The following TAB1 variants were observed in gnomAD, a reference collection of about 807,000 sequenced individuals.
TAB1 encodes TGF-beta-activated kinase 1 and MAP3K7-binding protein 1.
In TAB1, 30 loss-of-function variants were observed where a neutral mutation model predicts 54.5. That is an observed-to-expected ratio of 0.55 (90% CI 0.41 to 0.75). The LOEUF is 0.75. Ranked by LOEUF, TAB1 falls within the 30% of genes least tolerant of loss-of-function variation. The pLI is 0.00. For synonymous variants in TAB1, 289 were observed against 286.9 expected (o/e 1.01, Z -0.07); for missense variants, 609 against 683.2 (o/e 0.89, Z 1.21).
At position 39,403,281 on chromosome 22, in the gene TAB1, A is replaced by G. The variant is rs868526658; in HGVS notation, c.33+3446A>G. Reference sequence around the variant, plus strand: ...TACAGCATCAGGTGGTGCTATGAGGAACAGTCTAGATTCACACACAGAATG... The same window carrying G: ...TACAGCATCAGGTGGTGCTATGAGGGACAGTCTAGATTCACACACAGAATG... On this transcript the variant is annotated intron_variant, in intron 1 of 10. Coordinates refer to ENST00000216160, the MANE Select transcript of TAB1 (RefSeq NM_006116.3). 7.9e-5 allele frequency among the ~76,000 whole-genome samples: 12 copies of G among 152,340 alleles called. No individual in the cohort carries two copies. The Middle Eastern group carries it at 0.01, about 130-fold the overall frequency.
downstream of TAB1, among the ~76,000 whole-genome samples, chr22:39,434,761 G>T (rs571425815): frequency 1.3e-5 from 2 of 152,222 alleles, no homozygotes; most frequent in Admixed American, 1.3e-4. Flanking sequence ...GCCCCTTCTT[G>T]TCCTGGTTCT....
At chr22:39,419,312 C>T (rs924149694) in intron 6 of TAB1, among the ~76,000 whole-genome samples, 1 of 152,146 alleles carries the variant, frequency 6.6e-6, no homozygotes, top group African/African-American at 2.4e-5. Flanking sequence ...GGAGGACGGG[C>T]TCTGAGTGAG....
At chr22:39,424,324 C>T (rs537975128) in intron 8 of TAB1, among the ~76,000 whole-genome samples, 4 of 151,972 alleles carry the variant, frequency 2.6e-5, no homozygotes, top group African/African-American at 9.6e-5. Context: ...GTATCTTTTT[C>T]ATATAATGAC....
At chr22:39,427,908 C>G (rs1164086233) in intron 9 of TAB1, 113 bp from the exon 10 acceptor site, 56 of 1,096,636 alleles carry the variant, frequency 5.1e-5, no homozygotes, top group Non-Finnish European at 6.7e-5. Flanking sequence ...ATGGCCGCCA[C>G]CCACACTCAG....
chr22:39,412,444 GAGT>G (rs1312673929), intron 1 of TAB1, among the ~76,000 whole-genome samples: 1 of 152,122 alleles, frequency 6.6e-6, no homozygotes, highest in African/African-American at 2.4e-5. Context: ...TGTATCCTGA[GAGT>G]GGTGGTAGTT....
At chr22:39,408,420 A>G (rs1470786644) in intron 1 of TAB1, among the ~76,000 whole-genome samples, 1 of 152,222 alleles carries the variant, frequency 6.6e-6, no homozygotes, top group Middle Eastern at 3.2e-3. Context: ...TGACACACCA[A>G]CGTGGCAAGT....
At position 39,418,909 on chromosome 22, in the gene TAB1, G is replaced by C. The variant is rs936727934; in HGVS notation, c.664+64G>C. ...GGCTCACCCTTCGCCTGCCTTTGGT[G>C]GTGGGGTAGAGAGGCGTGTGGTAGA... On this transcript the variant is annotated intron_variant, in intron 6 of 10. Transcript: ENST00000216160. 11 of 1,375,198 alleles carry C rather than the reference G, an allele frequency of 8.0e-6. No homozygotes were observed. In the African/African-American group the frequency reaches 1.1e-4, roughly 14 times the overall value. 85.2% of individuals were successfully genotyped at this position (1,375,198 alleles called of 1,614,324 possible). A position where few individuals can be genotyped will look rare whatever the true frequency, so the allele number is the denominator to read the frequency against.
chr22:39,406,246 A>C (rs1416748287), intron 1 of TAB1, among the ~76,000 whole-genome samples: 6 of 152,176 alleles, frequency 3.9e-5, no homozygotes, highest in African/African-American at 1.4e-4. Flanking sequence ...AAAAATACAA[A>C]AAATTAGCCG....
chr22:39,415,881 C>T lies in TAB1; in HGVS notation c.324+228C>T, dbSNP rs35047586. On this transcript the variant is annotated intron_variant, in intron 3 of 10. Coordinates refer to ENST00000216160, the MANE Select transcript of TAB1 (RefSeq NM_006116.3). This position sits in a 1 kb window ranked among gnomAD's most constrained non-coding sequence, Gnocchi z 4.9. Reference sequence around the variant, plus strand: ...CTGGCAGAGGAGGTACTGCTGGAGACGGGGGGATTTAGGGATGGGAGCTTG... The same window carrying T: ...CTGGCAGAGGAGGTACTGCTGGAGATGGGGGGATTTAGGGATGGGAGCTTG... Among the ~76,000 whole-genome samples the T allele has an allele frequency of 2.5e-3, 374 of 152,196 alleles. 1 individual carries two copies. Among genetic ancestry groups the T allele is most frequent in the African/African-American group, 7.5e-3 (311 of 41,508 alleles).
Position 39,430,782 on chromosome 22 carries a change from C to T in TAB1, c.*560C>T. The T allele has an allele frequency of 3.0e-6, 3 of 1,001,328 alleles. No homozygotes were observed. Among genetic ancestry groups the T allele is most frequent in the Middle Eastern group, 5.1e-4 (1 of 1,950 alleles). 62.0% of individuals were successfully genotyped at this position (1,001,328 alleles called of 1,614,324 possible). A position where few individuals can be genotyped will look rare whatever the true frequency, so the allele number is the denominator to read the frequency against. ...CCTTGGTTGTGTCATCTGTTGTAAA[C>T]GTTCAGGAGGACCAGGGCAGCATCT... On this transcript the variant is annotated 3_prime_UTR_variant, in exon 11 of 11. Coordinates refer to ENST00000216160, the MANE Select transcript of TAB1 (RefSeq NM_006116.3).
In TAB1 at chr22:39,430,130, G is replaced by T. The variant is rs1248086492; in HGVS notation, c.1423G>T (p.Asp475Tyr). The T allele has an allele frequency of 1.2e-6, 2 of 1,614,076 alleles. No individual in the cohort carries two copies. Among genetic ancestry groups the T allele is most frequent in the Non-Finnish European group, 1.7e-6 (2 of 1,180,050 alleles). The change falls in exon 11 of 11, where the codon GAC becomes TAC. Residue 475 changes from aspartate to tyrosine, a missense_variant. Coordinates refer to ENST00000216160, the MANE Select transcript of TAB1 (RefSeq NM_006116.3). Reference protein sequence around the residue: ...RPAHSLPPGEDGRVEPYVDFA... With the variant: ...RPAHSLPPGEYGRVEPYVDFA... ...CGCCCACTCGCTCCCGCCTGGCGAG[G>T]ACGGTCGTGTTGAGCCCTATGTGGA...
At chr22:39,413,420 A>AT (rs200579696) in intron 1 of TAB1, among the ~76,000 whole-genome samples, 249 of 144,142 alleles carry the variant, frequency 1.7e-3, no homozygotes, top group East Asian at 7.5e-3. Flanking sequence ...TTTCAATACA[A>AT]TTTTTTTTTT....
Position 39,415,227 on chromosome 22 carries a change from G to T in TAB1, c.170+85G>T. The T allele has an allele frequency of 1.4e-6, 2 of 1,477,824 alleles. No individual in the cohort carries two copies. The highest frequency in any genetic ancestry group is 9.1e-7 in the Non-Finnish European group (1 of 1,099,298). 91.5% of individuals were successfully genotyped at this position (1,477,824 alleles called of 1,614,324 possible). A position where few individuals can be genotyped will look rare whatever the true frequency, so the allele number is the denominator to read the frequency against. On this transcript the variant is annotated intron_variant, in intron 2 of 10. Coordinates refer to ENST00000216160, the MANE Select transcript of TAB1 (RefSeq NM_006116.3). This position sits in a 1 kb window ranked among gnomAD's most constrained non-coding sequence, Gnocchi z 4.9. ...AAGACACCGACCTTGCAGCTTTCTC[G>T]TATGGGCTTGCCAGTGACATGTGGC... is the stretch of plus-strand genomic sequence containing the variant.
chr22:39,421,836 G>A lies in TAB1; in HGVS notation c.786G>A (p.Lys262=). The A allele has an allele frequency of 3.7e-6, 6 of 1,614,084 alleles. No homozygotes were observed. The highest frequency in any genetic ancestry group is 5.1e-6 in the Non-Finnish European group (6 of 1,179,982). Residue 262 remains lysine, a synonymous_variant, in exon 8 of 11, where the codon AAG becomes AAA. Coordinates refer to ENST00000216160, the MANE Select transcript of TAB1 (RefSeq NM_006116.3). ...YTDIDLLSAA[K]SKPIIAEPEI... is the part of the protein sequence containing the mutation. ...CACTCTCTCCCCATAGCGCTGCCAA[G>A]TCCAAACCAATCATCGCAGAGCCAG...
rs549723854 is a variant in TAB1, at chr22:39,405,214, T to A, written c.33+5379T>A. ...CTATTATGTGACATGGACACATATA[T>A]ACATGAGGAGTGAATGCTTACATCA... On this transcript the variant is annotated intron_variant, in intron 1 of 10. Transcript: ENST00000216160. Among the ~76,000 whole-genome samples, 30 of 152,324 alleles carry A rather than the reference T, an allele frequency of 2.0e-4. No homozygotes were observed. In the South Asian group the frequency reaches 6.0e-3, roughly 30 times the overall value.
In TAB1 at chr22:39,421,985, A is replaced by T; in HGVS notation, c.921+14A>T. 2.6e-6 allele frequency: 4 copies of T among 1,519,596 alleles called. No homozygotes were observed. Among genetic ancestry groups the T allele is most frequent in the Non-Finnish European group, 3.5e-6 (4 of 1,137,652 alleles). The allele number at this position is 1,519,596 out of a possible 1,614,324, so 94.1% of individuals were successfully genotyped here. A position where few individuals can be genotyped will look rare whatever the true frequency, so the allele number is the denominator to read the frequency against. On this transcript the variant is annotated intron_variant, in intron 8 of 10. Transcript: ENST00000216160. Reference sequence around the variant, plus strand: ...CAGGCCAACCAGGTGAGTTGGGCCCAGCCACGCCCATGGCCGGAGAGCGTG... The same window carrying T: ...CAGGCCAACCAGGTGAGTTGGGCCCTGCCACGCCCATGGCCGGAGAGCGTG...
chr22:39,426,761 C>T lies in TAB1; in HGVS notation c.980C>T (p.Ala327Val), dbSNP rs1927361524. 3 of 1,613,794 alleles carry T rather than the reference C, an allele frequency of 1.9e-6. No homozygotes were observed. Among genetic ancestry groups the T allele is most frequent in the South Asian group, 2.2e-5 (2 of 91,070 alleles). ...FAKQTSLDAV[A>V]QAVVDRVKRI... The stretch of plus-strand genomic sequence containing the variant: ...AAGCAGACCTCCCTGGACGCAGTGG[C>T]CCAGGCCGTCGTGGACCGGGTGAAG... The change falls in exon 9 of 11, where the codon GCC (alanine) becomes GTC (valine). Residue 327 changes from alanine (A) to valine (V), a missense_variant. Coordinates refer to ENST00000216160, the MANE Select transcript of TAB1 (RefSeq NM_006116.3).
chr22:39,399,865 G>C (rs760024516), intron 1 of TAB1, 30 bp downstream of exon 1: 1 of 1,583,976 alleles, frequency 6.3e-7, no homozygotes, highest in Non-Finnish European at 8.6e-7. Context: ...TCTGGGCTTG[G>C]GGTTGGGAGC....
chr22:39,419,536 A>G lies in TAB1; in HGVS notation c.682A>G (p.Ile228Val), dbSNP rs1225695535. 1.2e-6 allele frequency: 2 copies of G among 1,610,860 alleles called. No homozygotes were observed. Among genetic ancestry groups the G allele is most frequent in the African/African-American group, 1.3e-5 (1 of 74,920 alleles). Reference protein sequence around the residue: ...LSQLGLDAGKIKQVGIICGQE... With the variant: ...LSQLGLDAGKVKQVGIICGQE... ...CTCCGTAGGCTTGGATGCTGGAAAG[A>G]TCAAGCAGGTGGGGATCATCTGTGG... Residue 228 changes from isoleucine to valine, a missense_variant, in exon 7 of 11, where the codon ATC becomes GTC. Ile to Val is a conservative substitution (Grantham distance 29). Coordinates refer to ENST00000216160, the MANE Select transcript of TAB1 (RefSeq NM_006116.3).
Sources: allele counts gnomAD v4.1 joint callset (sites outside exome capture counted in the v4.1 genomes callset), GRCh38; gene constraint gnomAD v4.1.1; non-coding constraint Gnocchi (gnomAD v3.1); transcripts MANE v1.5; gene names NCBI Gene and HGNC (gene_info 2026-07-23, HGNC 2026-07-21).